SPSB4: variants seen among roughly 807,000 people sequenced by gnomAD.
SPSB4 encodes the protein SPRY domain-containing SOCS box protein 4.
Under a neutral mutation model 20.9 loss-of-function variants are expected in SPSB4, and 21 were observed. That is an observed-to-expected ratio of 1.01 (90% confidence interval 0.71 to 1.45). SPSB4 has a LOEUF of 1.45. SPSB4 is among the 40% of genes most tolerant of loss of function. The pLI, the probability that SPSB4 is intolerant of heterozygous loss-of-function variation, is 0.00. For synonymous variants in SPSB4, 207 were observed against 183.8 expected (o/e 1.13, Z -1.02); for missense variants, 399 against 399.2 (o/e 1.00, Z 0.00).
At chr3:141,131,313 G>A (rs758417993) in intron 2 of SPSB4, among the ~76,000 whole-genome samples, 11 of 151,988 alleles carry the variant, frequency 7.2e-5, no homozygotes, top group Non-Finnish European at 1.3e-4. Context: ...CTTGTGTTGC[G>A]TCTCACCAAG....
chr3:141,092,242 G>C (rs1003325374), intron 2 of SPSB4, among the ~76,000 whole-genome samples: 5 of 152,196 alleles, frequency 3.3e-5, no homozygotes, highest in African/African-American at 1.2e-4. Context: ...TTGCTTCTCA[G>C]CATTGTTTAA....
chr3:141,144,100 A>C (rs951264037), intron 2 of SPSB4, among the ~76,000 whole-genome samples: 7 of 152,200 alleles, frequency 4.6e-5, no homozygotes, highest in Non-Finnish European at 8.8e-5. Context: ...TATGCAGTTA[A>C]CTCTGAATTT....
At chr3:141,113,984 A>G (rs2107799193) in intron 2 of SPSB4, among the ~76,000 whole-genome samples, 1 of 152,244 alleles carries the variant, frequency 6.6e-6, no homozygotes, top group African/African-American at 2.4e-5. Context: ...GCTACTTGAG[A>G]GGCTGAGGTG....
chr3:141,082,688 A>G (rs1307559898), intron 2 of SPSB4, among the ~76,000 whole-genome samples: 1 of 151,842 alleles, frequency 6.6e-6, no homozygotes, highest in East Asian at 1.9e-4. Context: ...TTTTAGCCCC[A>G]TGTGTGAAGT....
intron 2 of SPSB4, among the ~76,000 whole-genome samples, chr3:141,133,974 A>G (rs1939179514): frequency 6.7e-6 from 1 of 149,518 alleles, no homozygotes; most frequent in Non-Finnish European, 1.5e-5. Context: ...TTCCCTGTGG[A>G]AATCTTTCAC....
intron 2 of SPSB4, among the ~76,000 whole-genome samples, chr3:141,122,417 C>CAAACACCA (rs1363962289): frequency 6.6e-6 from 1 of 152,188 alleles, no homozygotes; most frequent in Non-Finnish European, 1.5e-5. Flanking sequence ...TCTCAGAGCT[C>CAAACACCA]AAACACCATG....
chr3:141,076,172 G>C (rs1165807884), intron 2 of SPSB4, among the ~76,000 whole-genome samples: 1 of 152,218 alleles, frequency 6.6e-6, no homozygotes, highest in Non-Finnish European at 1.5e-5. Flanking sequence ...TCAGCCTGGG[G>C]TTACCGAGCC....
intron 2 of SPSB4, among the ~76,000 whole-genome samples, chr3:141,074,869 G>T (rs1435083731): frequency 1.3e-5 from 2 of 152,228 alleles, no homozygotes; most frequent in African/African-American, 4.8e-5. Context: ...AAGGGGAAGA[G>T]GTAAAGGGTC....
At chr3:141,075,232 G>T (rs1938083629) in intron 2 of SPSB4, among the ~76,000 whole-genome samples, 1 of 152,150 alleles carries the variant, frequency 6.6e-6, no homozygotes, top group East Asian at 1.9e-4. Flanking sequence ...ACTTTCTGAG[G>T]GGAGGCCTTG....
intron 2 of SPSB4, among the ~76,000 whole-genome samples, chr3:141,105,889 A>G (rs973542314): frequency 6.6e-6 from 1 of 152,260 alleles, no homozygotes; most frequent in Non-Finnish European, 1.5e-5. Context: ...TAGATGAAAT[A>G]AAGATACACT....
At chr3:141,129,996 C>T (rs1032796883) in intron 2 of SPSB4, among the ~76,000 whole-genome samples, 5 of 152,230 alleles carry the variant, frequency 3.3e-5, no homozygotes, top group Non-Finnish European at 7.3e-5. Context: ...GCTGTAGTCA[C>T]AACCCTTTTT....
intron 2 of SPSB4, among the ~76,000 whole-genome samples, chr3:141,099,107 TAATACTGTTAC>T (rs142520805): frequency 0.077 from 11,726 of 152,202 alleles, 794 homozygotes; most frequent in Admixed American, 0.23. Context: ...TCCCATCTCT[TAATACTGTTAC>T]AATGGCAATT....
chr3:141,080,704 C>G (rs907514081), intron 2 of SPSB4, among the ~76,000 whole-genome samples: 5 of 152,240 alleles, frequency 3.3e-5, no homozygotes, highest in African/African-American at 1.2e-4. Flanking sequence ...GCAAGCCACC[C>G]AGGAGAGAAG....
At chr3:141,096,677 G>T (rs1275897258) in intron 2 of SPSB4, among the ~76,000 whole-genome samples, 1 of 152,240 alleles carries the variant, frequency 6.6e-6, no homozygotes, top group Non-Finnish European at 1.5e-5. Flanking sequence ...ACATATTACA[G>T]TATATAGCAT....
Position 141,066,312 on chromosome 3 carries a change from G to A in SPSB4, c.208G>A (p.Asp70Asn), listed in dbSNP as rs751871737. The A allele has an allele frequency of 9.5e-6, 15 of 1,573,750 alleles. No homozygotes were observed. Among genetic ancestry groups the A allele is most frequent in the South Asian group, 1.2e-5 (1 of 85,646 alleles). ...DRSLNVFVKD[D>N]DRLTFHRHPV... The stretch of plus-strand genomic sequence containing the variant: ...CTCGCTCAACGTCTTCGTCAAGGAC[G>A]ACGACCGGCTCACCTTCCACCGGCA... The change falls in exon 2 of 3, where the codon GAC (aspartate) becomes AAC (asparagine). Residue 70 changes from aspartate (D) to asparagine (N), a missense_variant. Asp to Asn is a conservative substitution (Grantham distance 23). Transcript: ENST00000310546.
chr3:141,091,808 A>G (rs60777947), intron 2 of SPSB4, among the ~76,000 whole-genome samples: 21,436 of 152,254 alleles, frequency 0.14, 2,652 homozygotes, highest in African/African-American at 0.32. Context: ...GCCCGGGTTC[A>G]TGCTAAAAAT....
chr3:141,143,290 T>A (rs1468917269), intron 2 of SPSB4, among the ~76,000 whole-genome samples: 1 of 152,214 alleles, frequency 6.6e-6, no homozygotes, highest in Non-Finnish European at 1.5e-5. Context: ...CAGCAGATAC[T>A]TGGTTGGTGG....
intron 2 of SPSB4, among the ~76,000 whole-genome samples, chr3:141,144,600 G>A (rs1204873266): frequency 6.6e-6 from 1 of 152,214 alleles, no homozygotes; most frequent in Non-Finnish European, 1.5e-5. Flanking sequence ...CTTTGGAATT[G>A]TCAGTTTACT....
chr3:141,077,860 G>T (rs1481327061), intron 2 of SPSB4, among the ~76,000 whole-genome samples: 1 of 152,216 alleles, frequency 6.6e-6, no homozygotes, highest in Non-Finnish European at 1.5e-5. Flanking sequence ...GTGAGCATAA[G>T]GCTGCATGTG....
Sources: allele counts gnomAD v4.1 joint callset (sites outside exome capture counted in the v4.1 genomes callset), GRCh38; gene constraint gnomAD v4.1.1; transcripts MANE v1.5; gene names NCBI Gene and HGNC (gene_info 2026-07-23, HGNC 2026-07-21).